CATSPER3: variants seen among roughly 807,000 people sequenced by gnomAD.
CATSPER3 encodes the protein cation channel sperm associated 3.
CATSPER3 carries 23 observed loss-of-function variants against 36.6 expected under a neutral mutation model. That is an observed-to-expected ratio of 0.63 (90% CI 0.45 to 0.89). The LOEUF is 0.89. Among genes scored for constraint, CATSPER3 ranks in the 40% least tolerant of loss-of-function variants. The pLI is 0.00. For synonymous variants in CATSPER3, 172 were observed against 184.1 expected, an observed-to-expected ratio of 0.93 and a Z score of 0.53; for missense variants, 474 against 503.9, an observed-to-expected ratio of 0.94 and a Z score of 0.57.
Position 135,011,423 on chromosome 5 carries a change from T to C in CATSPER3, c.1095-98T>C, listed in dbSNP as rs373188458. On this transcript the variant is annotated intron_variant, in intron 7 of 7. Transcript: ENST00000282611. ...TGAAGTCCTTGCTCTTCTTTGACCCTACACCTGTGCAGGTGCAAACGTGTG... is the reference window on the plus strand; with the variant it reads ...TGAAGTCCTTGCTCTTCTTTGACCCCACACCTGTGCAGGTGCAAACGTGTG... 3 of 827,228 alleles carry C rather than the reference T, an allele frequency of 3.6e-6. No homozygotes were observed. The African/African-American group carries it at 5.1e-5, about 14-fold the overall frequency. 51.2% of individuals were successfully genotyped at this position (827,228 alleles called of 1,614,324 possible).
intron 2 of CATSPER3, among the ~76,000 whole-genome samples, chr5:134,981,883 A>T (rs1443392906): frequency 2.0e-5 from 3 of 152,124 alleles, no homozygotes; most frequent in African/African-American, 7.2e-5. Flanking sequence ...TAATCCCGGC[A>T]ATTTGGGAGG....
chr5:135,008,664 G>A (rs1446214579), intron 4 of CATSPER3, among the ~76,000 whole-genome samples, 177 bp from the exon 5 acceptor site: 2 of 152,344 alleles, frequency 1.3e-5, no homozygotes, highest in Non-Finnish European at 2.9e-5. Flanking sequence ...GGGGTGCTCT[G>A]CATTCCCAGG....
Position 134,968,099 on chromosome 5 carries a change from A to G in CATSPER3, c.98+10A>G. 6.4e-7 allele frequency: 1 copy of G among 1,550,876 alleles called. No homozygotes were observed. On this transcript the variant is annotated intron_variant, in intron 1 of 7. Coordinates refer to ENST00000282611, the MANE Select transcript of CATSPER3 (RefSeq NM_178019.3). ...CATTCAAGAAATTTAAGTAAATATT[A>G]TCTATCTCCATTGCCTGTTAAGAAA...
At chr5:134,975,705 T>C (rs969316646) in intron 2 of CATSPER3, among the ~76,000 whole-genome samples, 2 of 152,232 alleles carry the variant, frequency 1.3e-5, no homozygotes, top group Admixed American at 6.5e-5. Context: ...ACAGCTGTTA[T>C]GGACAACATT....
chr5:134,978,881 G>A (rs1350898201), intron 2 of CATSPER3, among the ~76,000 whole-genome samples: 7 of 151,296 alleles, frequency 4.6e-5, no homozygotes, highest in South Asian at 4.2e-4. Context: ...TGCCATGCCC[G>A]GCTAATTTAT....
chr5:134,985,713 A>T (rs1751799642), intron 2 of CATSPER3, among the ~76,000 whole-genome samples: 1 of 151,706 alleles, frequency 6.6e-6, no homozygotes, highest in African/African-American at 2.4e-5. Flanking sequence ...ATTTGAGATT[A>T]GCCTGGACAA....
rs779616768 is a variant in CATSPER3, at chr5:135,008,928, G to A, written c.763G>A (p.Ala255Thr). 68 of 1,613,684 alleles carry A rather than the reference G, an allele frequency of 4.2e-5. No homozygotes were observed. Among genetic ancestry groups the A allele is most frequent in the Admixed American group, 1.5e-4 (9 of 60,008 alleles). ...RAFTIIFILL[A>T]SFIFLNMFVG... ...ATTCACCATCATCTTCATCTTGCTCGCCTCTTTCATCTTCCTCAACATGTT... is the reference window on the plus strand; with the variant it reads ...ATTCACCATCATCTTCATCTTGCTCACCTCTTTCATCTTCCTCAACATGTT... The change falls in exon 5 of 8, where the codon GCC becomes ACC. Residue 255 changes from alanine to threonine, a missense_variant. By Grantham distance (58) the Ala-to-Thr change is moderately conservative. Transcript: ENST00000282611.
chr5:134,985,551 A>G (rs1170096150), intron 2 of CATSPER3, among the ~76,000 whole-genome samples: 1 of 152,092 alleles, frequency 6.6e-6, no homozygotes, highest in South Asian at 2.1e-4. Context: ...TAGGTAGTCT[A>G]AAGTCCCAGA....
chr5:135,001,322 C>T (rs1752016652), intron 3 of CATSPER3, among the ~76,000 whole-genome samples: 1 of 152,180 alleles, frequency 6.6e-6, no homozygotes, highest in Admixed American at 6.5e-5. Context: ...GTTATAATTT[C>T]TGTTCTTTTA....
intron 3 of CATSPER3, among the ~76,000 whole-genome samples, chr5:134,999,718 T>C (rs1345857056): frequency 3.9e-5 from 6 of 152,234 alleles, no homozygotes; most frequent in East Asian, 1.9e-4. Context: ...TTGTGTGTTA[T>C]TGGTGTATAG....
chr5:134,970,071 C>T lies in CATSPER3; in HGVS notation c.231C>T (p.Tyr77=), dbSNP rs1751583386. The change falls in exon 2 of 8, where the codon TAC becomes TAT. Residue 77 remains tyrosine (Y), a synonymous_variant. Coordinates refer to ENST00000282611, the MANE Select transcript of CATSPER3 (RefSeq NM_178019.3). ...MALWTSYDIR[Y]RLFRLLEFSE... ...TGTGGACCAGTTATGACATAAGGTACCGCTTGTTCAGACTTCTTGAGGTAA... is the reference window on the plus strand; with the variant it reads ...TGTGGACCAGTTATGACATAAGGTATCGCTTGTTCAGACTTCTTGAGGTAA... 6.2e-7 allele frequency: 1 copy of T among 1,614,056 alleles called. No individual in the cohort carries two copies. The highest frequency in any genetic ancestry group is 8.5e-7 in the Non-Finnish European group (1 of 1,179,976).
Position 134,967,983 on chromosome 5 carries a change from A to T in CATSPER3, c.-9A>T, listed in dbSNP as rs776251226. On this transcript the variant is annotated 5_prime_UTR_variant, in exon 1 of 8. Transcript: ENST00000282611. ...TAAAAGCAAGGAATAAAAGTTGAAA[A>T]TTTGGAAAATGTCTCAACACCGTCA... The T allele has an allele frequency of 6.2e-7, 1 of 1,610,900 alleles. No individual in the cohort carries two copies. Among genetic ancestry groups the T allele is most frequent in the South Asian group, 1.1e-5 (1 of 90,996 alleles).
At chr5:135,008,754 TG>T in intron 4 of CATSPER3, 86 bp from the exon 5 acceptor site, 1 of 1,183,708 alleles carries the variant, frequency 8.4e-7, no homozygotes, top group Non-Finnish European at 1.3e-6. Flanking sequence ...TTCTCCTCAG[TG>T]GGCCTGGGAC....
At chr5:135,000,067 T>C (rs1232579465) in intron 3 of CATSPER3, among the ~76,000 whole-genome samples, 1 of 152,218 alleles carries the variant, frequency 6.6e-6, no homozygotes, top group Non-Finnish European at 1.5e-5. Flanking sequence ...GCTCTTATTA[T>C]TTTGAGATAC....
intron 3 of CATSPER3, among the ~76,000 whole-genome samples, chr5:135,005,306 C>T (rs185782180): frequency 2.6e-5 from 4 of 152,288 alleles, no homozygotes; most frequent in Admixed American, 1.3e-4. Context: ...CACAGAGACC[C>T]TGGGCATGCA....
chr5:134,980,121 A>G (rs1751732430), intron 2 of CATSPER3, among the ~76,000 whole-genome samples: 1 of 152,078 alleles, frequency 6.6e-6, no homozygotes, highest in Non-Finnish European at 1.5e-5. Flanking sequence ...AGCTAGGACT[A>G]CAGACATATA....
intron 1 of CATSPER3, chr5:134,968,379 A>C: frequency 5.2e-6 from 2 of 386,096 alleles, no homozygotes; most frequent in South Asian, 4.5e-5. Flanking sequence ...TGAAAATTAC[A>C]TATCTTGATA....
At position 135,008,020 on chromosome 5, in the gene CATSPER3, C is replaced by T; in HGVS notation, c.556C>T (p.Leu186Phe). 6.2e-7 allele frequency: 1 copy of T among 1,614,168 alleles called. No homozygotes were observed. The highest frequency in any genetic ancestry group is 2.2e-5 in the East Asian group (1 of 44,882). Reference protein sequence around the residue: ...TVASVLLLLFLLMYIFAILGF... With the variant: ...TVASVLLLLFFLMYIFAILGF... ...GGCCTCTGTGCTCCTCCTGCTCTTC[C>T]TCCTCATGTACATCTTCGCTATCTT... The change falls in exon 4 of 8, where the codon CTC becomes TTC. Residue 186 changes from leucine (L) to phenylalanine (F), a missense_variant. Transcript: ENST00000282611.
chr5:134,975,440 A>AAAACAAAC (rs369154582), intron 2 of CATSPER3: 2 of 152,988 alleles, frequency 1.3e-5, no homozygotes, highest in African/African-American at 4.8e-5. Context: ...TCTGTGGGGA[A>AAAACAAAC]AAACAAACAA....
Sources: allele counts gnomAD v4.1 joint callset (sites outside exome capture counted in the v4.1 genomes callset), GRCh38; gene constraint gnomAD v4.1.1; transcripts MANE v1.5; gene names NCBI Gene and HGNC (gene_info 2026-07-23, HGNC 2026-07-21).